The following C4orf50 variants were observed in gnomAD, a reference collection of about 807,000 sequenced individuals.
C4orf50 encodes chromosome 4 open reading frame 50, also known as uncharacterized protein C4orf50.
Under a neutral mutation model 77.2 loss-of-function variants are expected in C4orf50, and 80 were observed. The ratio of observed to expected loss-of-function variants is 1.04; its 90% confidence interval spans 0.87 to 1.25. The LOEUF (loss-of-function observed/expected upper bound fraction) is 1.25, where lower values mean the gene tolerates loss of function less well. Ranked by LOEUF, C4orf50 falls within the 50% of genes most tolerant of loss-of-function variation. C4orf50 has a pLI of 0.00. For missense variants in C4orf50, 1,257 were observed against 1,152.9 expected, an observed-to-expected ratio of 1.09 and a Z score of -1.31; for synonymous variants, 532 against 465.3, an observed-to-expected ratio of 1.14 and a Z score of -1.84.
intron 25 of C4orf50, among the ~76,000 whole-genome samples, chr4:6,002,010 A>G (rs575787478): frequency 1.5e-3 from 228 of 152,338 alleles, no homozygotes; most frequent in African/African-American, 5.3e-3. Context: ...CATCTGCCAC[A>G]TAACTTTGTG....
Position 5,919,107 on chromosome 4 carries a change from G to C in C4orf50, c.*2475-20919C>G, listed in dbSNP as rs1346495472. Among the ~76,000 whole-genome samples the C allele has an allele frequency of 6.6e-6, 1 of 152,196 alleles. No individual in the cohort carries two copies. Among genetic ancestry groups the C allele is most frequent in the East Asian group, 1.9e-4 (1 of 5,186 alleles). ...AGACGTGGCTCCCTCTTTCCCAGGT[G>C]GGACATTGCTAGTGAGCGGTAGCGG... is the stretch of plus-strand genomic sequence containing the variant. On this transcript the variant is annotated intron_variant, in intron 7 of 7. Coordinates refer to the C4orf50 transcript ENST00000324058. This position sits in a 1 kb window ranked among gnomAD's most constrained non-coding sequence, Gnocchi z 6.5.
chr4:5,933,205 T>A (rs1717843382), intron 7 of C4orf50, among the ~76,000 whole-genome samples: 1 of 152,242 alleles, frequency 6.6e-6, no homozygotes, highest in Non-Finnish European at 1.5e-5. Flanking sequence ...GATCAGATGC[T>A]GGGATGCATG....
intron 7 of C4orf50, among the ~76,000 whole-genome samples, chr4:5,935,692 A>C (rs1370161753): frequency 3.3e-5 from 5 of 150,506 alleles, no homozygotes; most frequent in Middle Eastern, 3.4e-3. Flanking sequence ...AGGCTGAGGC[A>C]GGAGAATCAC....
downstream of C4orf50, among the ~76,000 whole-genome samples, chr4:5,953,340 A>G (rs1718810766): frequency 6.6e-6 from 1 of 152,148 alleles, no homozygotes; most frequent in Admixed American, 6.5e-5. Context: ...GCTACAGTTG[A>G]CTTACACAGA....
At chr4:5,964,660 T>G (rs1577939175) in intron 33 of C4orf50, among the ~76,000 whole-genome samples, 2 of 149,176 alleles carry the variant, frequency 1.3e-5, no homozygotes, top group South Asian at 2.1e-4. Context: ...CCCAGATACT[T>G]GGGAGGCTGA....
chr4:6,015,629 C>T lies in C4orf50; in HGVS notation c.287+2516G>A, dbSNP rs758360813. On this transcript the variant is annotated intron_variant, in intron 23 of 33. Transcript: ENST00000531445. The surrounding 1 kb of genome is among the most constrained non-coding windows in gnomAD (Gnocchi z 4.4). ...CTGGTCTCCTCCTGCAGCTGTAACACGTCACCACAAGCTTGGCGGCCAGAA... is the reference window on the plus strand; with the variant it reads ...CTGGTCTCCTCCTGCAGCTGTAACATGTCACCACAAGCTTGGCGGCCAGAA... Among the ~76,000 whole-genome samples the T allele has an allele frequency of 3.3e-5, 5 of 152,254 alleles. No homozygotes were observed. The East Asian group carries it at 5.8e-4, about 18-fold the overall frequency.
At chr4:6,004,595 G>A (rs2108806188) in intron 25 of C4orf50, among the ~76,000 whole-genome samples, 1 of 10,768 alleles carries the variant, frequency 9.3e-5, no homozygotes, top group Admixed American at 1.0e-3. Flanking sequence ...TGGTGATGAT[G>A]GTGATGGTGA....
In C4orf50 at chr4:6,011,976, A is replaced by G. The variant is rs542955513; in HGVS notation, c.288-8T>C. On this transcript the variant is annotated splice_region_variant and splice_polypyrimidine_tract_variant and intron_variant, in intron 23 of 33. Coordinates refer to ENST00000531445, the Ensembl canonical transcript of C4orf50. This position sits in a 1 kb window ranked among gnomAD's most constrained non-coding sequence, Gnocchi z 4.2. ...AGCTCCAGCTCCTGAATTCTGCAGC[A>G]TGAAAAGCAGGGAGGCACTTGCTCA... 3 of 399,066 alleles carry G rather than the reference A, an allele frequency of 7.5e-6. No homozygotes were observed. Among genetic ancestry groups the G allele is most frequent in the South Asian group, 2.5e-4 (2 of 7,858 alleles). 24.7% of individuals were successfully genotyped at this position (399,066 alleles called of 1,614,324 possible).
At chr4:5,949,276 T>G (rs1006264247) in intron 7 of C4orf50, among the ~76,000 whole-genome samples, 6 of 152,186 alleles carry the variant, frequency 3.9e-5, no homozygotes, top group Admixed American at 1.3e-4. Flanking sequence ...GAAAAGACTT[T>G]AAAGACACAC....
chr4:5,932,696 C>G lies in C4orf50; in HGVS notation c.*2474+24205G>C, dbSNP rs1253211543. The stretch of plus-strand genomic sequence containing the variant: ...GGCTCAGGCAATTCTCTTACCTCAG[C>G]CTCCCAAAGTGCTGAGATAACAGGT... On this transcript the variant is annotated intron_variant, in intron 7 of 7. Coordinates refer to the C4orf50 transcript ENST00000324058. This position sits in a 1 kb window ranked among gnomAD's most constrained non-coding sequence, Gnocchi z 4.2. Among the ~76,000 whole-genome samples, 1 of 152,180 alleles carries G rather than the reference C, an allele frequency of 6.6e-6. No individual in the cohort carries two copies. The highest frequency in any genetic ancestry group is 1.5e-5 in the Non-Finnish European group (1 of 68,038).
intron 23 of C4orf50, among the ~76,000 whole-genome samples, chr4:6,013,345 T>C (rs1346403014): frequency 6.6e-6 from 1 of 152,148 alleles, no homozygotes; most frequent in Non-Finnish European, 1.5e-5. Context: ...TTATACAATA[T>C]GGGGAGATTT....
At chr4:6,010,812 C>T (rs921404822) in intron 24 of C4orf50, among the ~76,000 whole-genome samples, 1 of 152,188 alleles carries the variant, frequency 6.6e-6, no homozygotes, top group Non-Finnish European at 1.5e-5. Context: ...CATCGTCCTT[C>T]CCCTGGAAAA....
intron 7 of C4orf50, among the ~76,000 whole-genome samples, chr4:5,926,671 G>T (rs1047245498): frequency 1.3e-5 from 2 of 151,730 alleles, no homozygotes; most frequent in Admixed American, 1.3e-4. Flanking sequence ...CTGTGTCCCC[G>T]GGCCCACAGA....
intron 7 of C4orf50, among the ~76,000 whole-genome samples, chr4:5,943,755 C>T (rs1353962327): frequency 6.6e-6 from 1 of 152,172 alleles, no homozygotes; most frequent in Non-Finnish European, 1.5e-5. Flanking sequence ...AAATTGAGAA[C>T]CTGACAATAC....
exon 28 of C4orf50, chr4:5,989,564 G>T: frequency 6.5e-7 from 1 of 1,536,080 alleles, no homozygotes. Flanking sequence ...GCTGAGCACT[G>T]CCAGCCCCTG....
At chr4:5,959,399 T>C in exon 34 of C4orf50, 1 of 1,614,102 alleles carries the variant, frequency 6.2e-7, no homozygotes, top group Non-Finnish European at 8.5e-7. Flanking sequence ...CCAGCGGTGA[T>C]TTATGGACCT....
chr4:5,920,819 G>A (rs1455440042), intron 7 of C4orf50, among the ~76,000 whole-genome samples: 1 of 152,198 alleles, frequency 6.6e-6, no homozygotes, highest in Non-Finnish European at 1.5e-5. Flanking sequence ...CATGATGGTA[G>A]AGCAAACGCA....
chr4:5,994,482 G>A lies in C4orf50; in HGVS notation c.964-6C>T. 2.5e-6 allele frequency: 1 copy of A among 399,006 alleles called. No homozygotes were observed. Among genetic ancestry groups the A allele is most frequent in the Non-Finnish European group, 4.4e-6 (1 of 226,126 alleles). 24.7% of individuals were successfully genotyped at this position (399,006 alleles called of 1,614,324 possible). Reference sequence around the variant, plus strand: ...TGAACACAGCCCAGAGCATCCTGGAGGAAGACAGAGGAAGTCAGGAGCCGT... The same window carrying A: ...TGAACACAGCCCAGAGCATCCTGGAAGAAGACAGAGGAAGTCAGGAGCCGT... On this transcript the variant is annotated splice_region_variant and splice_polypyrimidine_tract_variant and intron_variant, in intron 25 of 33. Coordinates refer to ENST00000531445, the Ensembl canonical transcript of C4orf50.
downstream of C4orf50, among the ~76,000 whole-genome samples, chr4:5,955,683 C>T (rs1401863969): frequency 6.6e-6 from 1 of 152,160 alleles, no homozygotes; most frequent in African/African-American, 2.4e-5. This position sits in a 1 kb window ranked among gnomAD's most constrained non-coding sequence, Gnocchi z 5.1. Flanking sequence ...CAGTCATCCC[C>T]GGCAGCCAGA....
Sources: gnomAD v4.1 joint callset for allele counts (sites outside exome capture counted in the v4.1 genomes callset) on GRCh38, gnomAD v4.1.1 for gene constraint, Gnocchi (gnomAD v3.1) non-coding constraint, MANE v1.5 for transcripts, NCBI Gene and HGNC (gene_info 2026-07-23, HGNC 2026-07-21) for gene names.